Variants in ARHGAP21 observed in about 807,000 individuals in gnomAD.
ARHGAP21 encodes the protein rho GTPase-activating protein 21.
Under a neutral mutation model 164.6 loss-of-function variants are expected in ARHGAP21, and 38 were observed. The observed-to-expected ratio is 0.23, with a 90% CI of 0.18 to 0.30. The LOEUF (loss-of-function observed/expected upper bound fraction) is 0.30, where lower values mean the gene tolerates loss of function less well. Among genes scored for constraint, ARHGAP21 ranks in the 10% least tolerant of loss-of-function variants. The probability of loss-of-function intolerance (pLI) is 1.00; values close to 1 mark genes in which losing one functional copy is unlikely to be tolerated. For synonymous variants in ARHGAP21, 766 were observed against 857.9 expected (o/e 0.89, Z 1.87); for missense variants, 1,822 against 2,370.7 (o/e 0.77, Z 4.81).
intron 2 of ARHGAP21, among the ~76,000 whole-genome samples, chr10:24,684,102 C>G (rs898110335): frequency 6.6e-6 from 1 of 152,020 alleles, no homozygotes; most frequent in Non-Finnish European, 1.5e-5. Context: ...GCTTGGCCAA[C>G]GTATCAAAAC....
chr10:24,692,567 C>G (rs1842838732), intron 2 of ARHGAP21, among the ~76,000 whole-genome samples: 1 of 152,208 alleles, frequency 6.6e-6, no homozygotes, highest in Non-Finnish European at 1.5e-5. Flanking sequence ...CTCCATGGCT[C>G]ACGCATATAA....
At chr10:24,636,139 A>G (rs1836359823) in intron 4 of ARHGAP21, among the ~76,000 whole-genome samples, 1 of 152,230 alleles carries the variant, frequency 6.6e-6, no homozygotes, top group African/African-American at 2.4e-5. Flanking sequence ...CTGCTCTGTC[A>G]ACAAGTTTCC....
intron 7 of ARHGAP21, chr10:24,628,986 T>TA (rs1835563253): frequency 4.5e-5 from 1 of 22,442 alleles, no homozygotes; most frequent in African/African-American, 1.9e-4. Context: ...ATATATATTT[T>TA]TTTTTTTTTT....
At chr10:24,636,989 A>C in intron 4 of ARHGAP21, among the ~76,000 whole-genome samples, 1 of 152,262 alleles carries the variant, frequency 6.6e-6, no homozygotes, top group East Asian at 1.9e-4. Flanking sequence ...TTCAATAAAT[A>C]ATTATTCAAT....
At position 24,584,317 on chromosome 10, in the gene ARHGAP21, G is replaced by A; in HGVS notation, c.*95C>T. The A allele has an allele frequency of 7.1e-7, 1 of 1,403,118 alleles. No individual in the cohort carries two copies. Among genetic ancestry groups the A allele is most frequent in the East Asian group, 2.3e-5 (1 of 43,522 alleles). The allele number at this position is 1,403,118 out of a possible 1,614,324, so 86.9% of individuals were successfully genotyped here. On this transcript the variant is annotated 3_prime_UTR_variant, in exon 26 of 26. Transcript: ENST00000396432. ...GATGAAACCAGCCCAAATGAAGGCT[G>A]CATAATAACAATTCTGATACAAGAA...
chr10:24,678,239 C>A (rs554714763), intron 2 of ARHGAP21, among the ~76,000 whole-genome samples: 2 of 152,286 alleles, frequency 1.3e-5, no homozygotes, highest in African/African-American at 4.8e-5. Context: ...CAGATACAAT[C>A]CACTCGTGTT....
chr10:24,640,387 GA>G, intron 4 of ARHGAP21: 1 of 151,810 alleles, frequency 6.6e-6, no homozygotes. Flanking sequence ...CTTGCTATTG[GA>G]GAATTTTTTT....
intron 4 of ARHGAP21, among the ~76,000 whole-genome samples, chr10:24,640,552 G>A (rs1238925096): frequency 6.6e-6 from 1 of 151,942 alleles, no homozygotes; most frequent in African/African-American, 2.4e-5. Context: ...GATAAGCCTC[G>A]CAAGAAGTAT....
intron 12 of ARHGAP21, 68 bp from the exon 13 acceptor site, chr10:24,602,171 C>G: frequency 1.3e-6 from 2 of 1,521,052 alleles, no homozygotes; most frequent in South Asian, 1.3e-5. Context: ...CACATGGAAA[C>G]TGCTTTGTGG....
In ARHGAP21 at chr10:24,619,929, G is replaced by A. The variant is rs143715498; in HGVS notation, c.1966C>T (p.His656Tyr). 1.2e-6 allele frequency: 2 copies of A among 1,614,148 alleles called. No homozygotes were observed. The highest frequency in any genetic ancestry group is 1.7e-6 in the Non-Finnish European group (2 of 1,180,034). Reference sequence around the variant, plus strand: ...TGCTGATTCAACAGACTGTTCTGATGCAAGTGATTTACTGGTCTTTGGTCT... The same window carrying A: ...TGCTGATTCAACAGACTGTTCTGATACAAGTGATTTACTGGTCTTTGGTCT... The part of the protein sequence containing the change: ...IKDQRPVNHL[H>Y]QNSLLNQQTW... Residue 656 changes from histidine to tyrosine, a missense_variant, in exon 9 of 26, where the codon CAT becomes TAT. Transcript: ENST00000396432.
chr10:24,679,692 T>C (rs1278368404), intron 2 of ARHGAP21, among the ~76,000 whole-genome samples: 11 of 152,200 alleles, frequency 7.2e-5, no homozygotes, highest in Non-Finnish European at 4.4e-5. Context: ...TGATCTTAAT[T>C]TGTACTTCCC....
At position 24,583,923 on chromosome 10, in the gene ARHGAP21, T is replaced by TAAAG. The variant is rs983268577; in HGVS notation, c.*485_*488dup. Reference sequence around the variant, plus strand: ...AAAACTCAGATCCACCTGGAATGACTAAAGAATGGAAGTTCTGTATCCACC... The same window carrying TAAAG: ...AAAACTCAGATCCACCTGGAATGACTAAAGAAAGAATGGAAGTTCTGTATCCACC... On this transcript the variant is annotated 3_prime_UTR_variant, in exon 26 of 26. Coordinates refer to ENST00000396432, the MANE Select transcript of ARHGAP21 (RefSeq NM_020824.4). 2.0e-5 allele frequency: 3 copies of TAAAG among 152,650 alleles called. No homozygotes were observed. Among genetic ancestry groups the TAAAG allele is most frequent in the African/African-American group, 7.2e-5 (3 of 41,458 alleles). The allele number at this position is 152,650 out of a possible 1,614,324, so 9.5% of individuals were successfully genotyped here.
At chr10:24,717,705 A>T (rs1174707209) in intron 2 of ARHGAP21, among the ~76,000 whole-genome samples, 1 of 152,144 alleles carries the variant, frequency 6.6e-6, no homozygotes, top group Admixed American at 6.5e-5. Flanking sequence ...GACTTCACAG[A>T]GGTCTGAATT....
rs776224933 is a variant in ARHGAP21 at position 24,622,800 on chromosome 10, C to T, written c.496-38G>A. 3.1e-6 allele frequency: 5 copies of T among 1,595,616 alleles called. No individual in the cohort carries two copies. The African/African-American group carries it at 6.8e-5, about 22-fold the overall frequency. ...AGGAAAACATAGTAGAAGCTGCTTACTGATATAAAGACAAAATCATGTTGT... is the reference window on the plus strand; with the variant it reads ...AGGAAAACATAGTAGAAGCTGCTTATTGATATAAAGACAAAATCATGTTGT... On this transcript the variant is annotated intron_variant, in intron 7 of 25. Coordinates refer to ENST00000396432, the MANE Select transcript of ARHGAP21 (RefSeq NM_020824.4).
chr10:24,590,486 A>C (rs1291425185), intron 24 of ARHGAP21: 1 of 1,535,246 alleles, frequency 6.5e-7, no homozygotes, highest in South Asian at 1.2e-5. Context: ...TCGCCTGTTC[A>C]ACATCAGTAT....
intron 2 of ARHGAP21, among the ~76,000 whole-genome samples, chr10:24,678,424 C>T (rs1841477108): frequency 6.6e-6 from 1 of 152,166 alleles, no homozygotes; most frequent in Non-Finnish European, 1.5e-5. Context: ...CTCTCTCCCT[C>T]CACCTCCTAC....
At chr10:24,682,103 T>C (rs966185023) in intron 2 of ARHGAP21, among the ~76,000 whole-genome samples, 1 of 151,772 alleles carries the variant, frequency 6.6e-6, no homozygotes, top group Non-Finnish European at 1.5e-5. Flanking sequence ...GTACACGCAC[T>C]ATTTAACTAC....
chr10:24,648,873 C>T, intron 4 of ARHGAP21: 1 of 985,012 alleles, frequency 1.0e-6, no homozygotes, highest in Non-Finnish European at 1.2e-6. Flanking sequence ...GTGTTTTAAT[C>T]ATGTCCTAGT....
Position 24,629,844 on chromosome 10 carries a change from A to G in ARHGAP21, c.495+152T>C, listed in dbSNP as rs754214842. ...AACTTGGCAATGGTATTTTTGTAAAATGTAGAGAATTCCAGATTCTGTAAA... is the reference window on the plus strand; with the variant it reads ...AACTTGGCAATGGTATTTTTGTAAAGTGTAGAGAATTCCAGATTCTGTAAA... On this transcript the variant is annotated intron_variant, in intron 7 of 25. Transcript: ENST00000396432. 4 of 701,520 alleles carry G rather than the reference A, an allele frequency of 5.7e-6. No homozygotes were observed. In the Admixed American group the frequency reaches 6.3e-5, roughly 11 times the overall value. The allele number at this position is 701,520 out of a possible 1,614,324, so 43.5% of individuals were successfully genotyped here. A position where few individuals can be genotyped will look rare whatever the true frequency, so the allele number is the denominator to read the frequency against.
Sources: gnomAD v4.1 joint callset for allele counts (sites outside exome capture counted in the v4.1 genomes callset) on GRCh38, gnomAD v4.1.1 for gene constraint, MANE v1.5 for transcripts, NCBI Gene and HGNC (gene_info 2026-07-23, HGNC 2026-07-21) for gene names.